Variants in TTC29 observed in about 807,000 individuals in gnomAD.
TTC29 encodes tetratricopeptide repeat domain 29.
In TTC29, 49 loss-of-function variants were observed where a neutral mutation model predicts 58.1. That is an observed-to-expected ratio of 0.84 (90% confidence interval 0.67 to 1.07). The LOEUF (loss-of-function observed/expected upper bound fraction) is 1.07. Among genes scored for constraint, TTC29 ranks in the 50% least tolerant of loss-of-function variants. The pLI is 0.00. For missense variants in TTC29, 582 were observed against 555.6 expected (o/e 1.05, Z -0.48); for synonymous variants, 209 against 196.8 (o/e 1.06, Z -0.52).
chr4:146,944,813 T>TA lies in TTC29; in HGVS notation c.-7+217dup, dbSNP rs74915407. Among the ~76,000 whole-genome samples, 537 of 148,968 alleles carry TA rather than the reference T, an allele frequency of 3.6e-3. 2 individuals are homozygous for TA. The highest frequency in any genetic ancestry group is 0.01 in the African/African-American group (413 of 40,888). ...AATATCACTAATTATGCTCCCTAAG[T>TA]AAAAAAAAAAACATAATTAAGTTTA... On this transcript the variant is annotated intron_variant, in intron 2 of 12. Transcript: ENST00000325106.
At chr4:146,914,564 A>C (rs542304956) in intron 4 of TTC29, among the ~76,000 whole-genome samples, 4 of 152,280 alleles carry the variant, frequency 2.6e-5, no homozygotes, top group African/African-American at 9.6e-5. Context: ...TTCATCTGAC[A>C]GGAAAAAAAC....
intron 11 of TTC29, among the ~76,000 whole-genome samples, chr4:146,751,992 T>G (rs116638882): frequency 0.017 from 2,630 of 151,864 alleles, 75 homozygotes; most frequent in African/African-American, 0.06. Context: ...AGTCAAGAAA[T>G]TATAAAACTG....
intron 8 of TTC29, among the ~76,000 whole-genome samples, chr4:146,836,325 T>C (rs1013464883): frequency 2.0e-5 from 3 of 152,108 alleles, no homozygotes; most frequent in African/African-American, 7.2e-5. Flanking sequence ...AGGAAATATA[T>C]AGGCAGTAGG....
At chr4:146,758,930 A>C (rs1430932677) in intron 11 of TTC29, among the ~76,000 whole-genome samples, 1 of 152,124 alleles carries the variant, frequency 6.6e-6, no homozygotes, top group Non-Finnish European at 1.5e-5. Context: ...CAACTCAAGG[A>C]ACTAGAGAAA....
intron 11 of TTC29, among the ~76,000 whole-genome samples, chr4:146,761,908 C>T (rs185767146): frequency 2.6e-4 from 40 of 151,758 alleles, no homozygotes; most frequent in Admixed American, 5.3e-4. Context: ...GCCTTTGTGA[C>T]GGACATTCTT....
intron 4 of TTC29, among the ~76,000 whole-genome samples, chr4:146,935,515 T>C (rs1735731010): frequency 6.6e-6 from 1 of 152,244 alleles, no homozygotes; most frequent in South Asian, 2.1e-4. Context: ...GATAATTTTA[T>C]AATGCAACCA....
chr4:146,725,278 A>C (rs1743691910), intron 11 of TTC29, among the ~76,000 whole-genome samples: 1 of 152,228 alleles, frequency 6.6e-6, no homozygotes, highest in Non-Finnish European at 1.5e-5. Context: ...TCACACCTGT[A>C]ATCCCAGCAC....
intron 7 of TTC29, among the ~76,000 whole-genome samples, chr4:146,869,881 G>T (rs1027310157): frequency 6.6e-6 from 1 of 152,018 alleles, no homozygotes; most frequent in Non-Finnish European, 1.5e-5. Context: ...AAAAATGTCG[G>T]TAAGAATAGG....
chr4:146,869,696 T>C (rs1363940578), intron 7 of TTC29, among the ~76,000 whole-genome samples: 1 of 152,106 alleles, frequency 6.6e-6, no homozygotes, highest in Non-Finnish European at 1.5e-5. Context: ...CTGCATCTAA[T>C]TTTATGTGAG....
At chr4:146,804,912 G>T (rs1020656908) in intron 10 of TTC29, among the ~76,000 whole-genome samples, 3 of 152,208 alleles carry the variant, frequency 2.0e-5, no homozygotes, top group African/African-American at 7.2e-5. Flanking sequence ...CCTCAAGTGG[G>T]TCCCTGACCC....
intron 7 of TTC29, among the ~76,000 whole-genome samples, chr4:146,871,886 G>A (rs777607910): frequency 5.9e-5 from 9 of 151,974 alleles, no homozygotes; most frequent in South Asian, 2.1e-4. Context: ...CCTTTCTGCA[G>A]AAATTAACAA....
intron 5 of TTC29, among the ~76,000 whole-genome samples, chr4:146,904,700 C>T (rs889249124): frequency 6.6e-6 from 1 of 152,120 alleles, no homozygotes; most frequent in African/African-American, 2.4e-5. Context: ...TAGTAACAGT[C>T]ATTATCTATT....
chr4:146,728,836 C>T (rs997429088), intron 11 of TTC29, among the ~76,000 whole-genome samples: 19 of 98,706 alleles, frequency 1.9e-4, no homozygotes, highest in Non-Finnish European at 2.6e-4. Flanking sequence ...CATATATATA[C>T]ACATATATAT....
At chr4:146,803,761 G>T in intron 10 of TTC29, 76 bp from the exon 11 acceptor site, 1 of 1,220,204 alleles carries the variant, frequency 8.2e-7, no homozygotes, top group Non-Finnish European at 1.1e-6. Flanking sequence ...CCTTACCCTG[G>T]CATGTCCCAC....
chr4:146,921,859 G>A (rs1353218201), intron 4 of TTC29, among the ~76,000 whole-genome samples: 4 of 149,926 alleles, frequency 2.7e-5, no homozygotes, highest in South Asian at 2.1e-4. Flanking sequence ...ATACTTATTC[G>A]TCAAAAAAAG....
intron 9 of TTC29, chr4:146,831,731 T>C: frequency 6.6e-6 from 3 of 451,704 alleles, no homozygotes; most frequent in Non-Finnish European, 1.3e-5. Flanking sequence ...GGAAGGAGGC[T>C]AAAATATTCC....
rs1043626440 is a variant in TTC29 at position 146,779,735 on chromosome 4, T to C, written c.1330+23722A>G. Among the ~76,000 whole-genome samples, 3 of 152,178 alleles carry C rather than the reference T, an allele frequency of 2.0e-5. No individual in the cohort carries two copies. In the East Asian group the frequency reaches 5.8e-4, roughly 29 times the overall value. ...ACAGTCTTTGGCTCTCAACTCCTGG[T>C]GAAACTGCCAAGGGCTCATTTTACT... On this transcript the variant is annotated intron_variant, in intron 11 of 12. Coordinates refer to ENST00000325106, the MANE Select transcript of TTC29 (RefSeq NM_031956.4).
chr4:146,744,639 G>A (rs1745409674), intron 11 of TTC29, among the ~76,000 whole-genome samples: 1 of 152,128 alleles, frequency 6.6e-6, no homozygotes, highest in Admixed American at 6.5e-5. Context: ...AAATCTCTCT[G>A]CTGAGCAGGA....
intron 11 of TTC29, among the ~76,000 whole-genome samples, chr4:146,774,013 T>G (rs1256297099): frequency 6.6e-6 from 1 of 152,168 alleles, no homozygotes; most frequent in African/African-American, 2.4e-5. Context: ...TCTTCTAGGT[T>G]TTCTAGTTTG....
Sources: gnomAD v4.1 joint callset for allele counts (sites outside exome capture counted in the v4.1 genomes callset) on GRCh38, gnomAD v4.1.1 for gene constraint, MANE v1.5 for transcripts, NCBI Gene and HGNC (gene_info 2026-07-23, HGNC 2026-07-21) for gene names.